C3orf20: variants seen among roughly 807,000 people sequenced by gnomAD.
C3orf20 encodes the protein uncharacterized protein C3orf20.
A neutral mutation model predicts 88.3 loss-of-function variants in C3orf20; 76 were observed. That is an observed-to-expected ratio of 0.86 (90% CI 0.72 to 1.04). The LOEUF (loss-of-function observed/expected upper bound fraction) is 1.04, where lower values mean the gene tolerates loss of function less well. Ranked by LOEUF, C3orf20 falls within the 50% of genes least tolerant of loss-of-function variation. C3orf20 has a pLI of 0.00. For synonymous variants in C3orf20, 436 were observed against 437.4 expected, an observed-to-expected ratio of 1.00 and a Z score of 0.04; for missense variants, 1,056 against 1,123.3, an observed-to-expected ratio of 0.94 and a Z score of 0.86.
chr3:14,706,987 T>G (rs147992070), intron 7 of C3orf20, among the ~76,000 whole-genome samples: 5 of 151,974 alleles, frequency 3.3e-5, no homozygotes, highest in African/African-American at 1.2e-4. Context: ...TGGTGGCTCG[T>G]GCCTGTAATC....
rs1257490932 is a variant in C3orf20, at chr3:14,772,112, GA to G, written c.2544del (p.Ala849ProfsTer46). 6 of 1,614,228 alleles carry G rather than the reference GA, an allele frequency of 3.7e-6. No individual in the cohort carries two copies. The highest frequency in any genetic ancestry group is 5.1e-6 in the Non-Finnish European group (6 of 1,180,036). ...GCCTGGAGGATTCTGAATCAGTCAA[GA>G]AAGCCGAGTCAGAAGATATCCAAGG... Reference protein sequence around the residue: ...LSLEDSESVKKAESEDIQGSS... With the variant: ...LSLEDSESVKXAESEDIQGSS... On this transcript the variant is annotated frameshift_variant, in exon 16 of 17. Coordinates refer to ENST00000253697, the MANE Select transcript of C3orf20 (RefSeq NM_032137.5). LOFTEE classifies it high-confidence loss of function. The surrounding 1 kb of genome is among the most constrained non-coding windows in gnomAD (Gnocchi z 4.2).
At chr3:14,736,633 C>G (rs2034720171) in intron 12 of C3orf20, among the ~76,000 whole-genome samples, 1 of 145,354 alleles carries the variant, frequency 6.9e-6, no homozygotes, top group African/African-American at 2.6e-5. Context: ...GTGGCATGGT[C>G]TCAGCTCACT....
intron 12 of C3orf20, among the ~76,000 whole-genome samples, chr3:14,755,596 G>A (rs187578858): frequency 1.2e-4 from 19 of 152,146 alleles, no homozygotes; most frequent in Non-Finnish European, 2.4e-4. Flanking sequence ...TAGCCCCTGA[G>A]AAATAATGCT....
chr3:14,703,260 CAT>C lies in C3orf20; in HGVS notation c.877_878del (p.Ile293ArgfsTer3). 6.2e-7 allele frequency: 1 copy of C among 1,614,064 alleles called. No homozygotes were observed. The highest frequency in any genetic ancestry group is 8.5e-7 in the Non-Finnish European group (1 of 1,180,018). ...REKLQELCRH[I>X]EAERATWKGR... ...AGAAGCTGCAGGAGTTGTGTCGCCACATGTGAGCACCTCAGTGCTTGGGTCGG... is the reference window on the plus strand; with the variant it reads ...AGAAGCTGCAGGAGTTGTGTCGCCACGTGAGCACCTCAGTGCTTGGGTCGG... On this transcript the variant is annotated frameshift_variant and splice_region_variant, in exon 6 of 17. Transcript: ENST00000253697. LOFTEE classifies it high-confidence loss of function.
chr3:14,690,745 A>G (rs1658013225), intron 5 of C3orf20, among the ~76,000 whole-genome samples: 1 of 152,254 alleles, frequency 6.6e-6, no homozygotes, highest in South Asian at 2.1e-4. Flanking sequence ...AAGGTCTGGC[A>G]GAACTCCCAG....
intron 5 of C3orf20, among the ~76,000 whole-genome samples, chr3:14,692,159 T>C (rs1188469983): frequency 1.3e-5 from 2 of 152,242 alleles, no homozygotes; most frequent in Admixed American, 1.3e-4. Flanking sequence ...GATTGACACT[T>C]AGATTGCTTC....
chr3:14,710,853 G>A (rs1300410807), intron 7 of C3orf20, among the ~76,000 whole-genome samples: 1 of 150,818 alleles, frequency 6.6e-6, no homozygotes, highest in Non-Finnish European at 1.5e-5. Context: ...AGTTCTAGTT[G>A]GTTTGCAGTG....
chr3:14,761,326 C>G, intron 14 of C3orf20, 147 bp from the exon 15 acceptor site: 2 of 921,730 alleles, frequency 2.2e-6, no homozygotes, highest in Non-Finnish European at 1.7e-6. Context: ...GCACTCCTTC[C>G]CCAGCCACCC....
chr3:14,750,187 A>G (rs1171841149), intron 12 of C3orf20, among the ~76,000 whole-genome samples: 2 of 152,042 alleles, frequency 1.3e-5, no homozygotes, highest in African/African-American at 4.8e-5. Context: ...AAACTCCCTT[A>G]GCTTTTGTTT....
At chr3:14,762,442 G>A (rs1236827898) in intron 15 of C3orf20, among the ~76,000 whole-genome samples, 1 of 152,224 alleles carries the variant, frequency 6.6e-6, no homozygotes, top group African/African-American at 2.4e-5. Context: ...CCTGAAGACT[G>A]CTTTAGGGGA....
chr3:14,682,477 G>A (rs781115258), intron 2 of C3orf20, 101 bp from the exon 3 acceptor site: 5 of 545,040 alleles, frequency 9.2e-6, no homozygotes, highest in Non-Finnish European at 1.6e-5. Flanking sequence ...CACTAACATT[G>A]GTCTCTCTGA....
intron 1 of C3orf20, among the ~76,000 whole-genome samples, chr3:14,681,942 G>A (rs979364761): frequency 3.3e-5 from 5 of 152,096 alleles, no homozygotes; most frequent in African/African-American, 1.2e-4. Flanking sequence ...GTATTAAAGT[G>A]GAAAAATATT....
At chr3:14,712,090 G>A (rs1461266629) in intron 7 of C3orf20, among the ~76,000 whole-genome samples, 1 of 151,846 alleles carries the variant, frequency 6.6e-6, no homozygotes, top group Admixed American at 6.6e-5. Context: ...TTTTTAAGAT[G>A]CAGTCATATT....
At position 14,757,540 on chromosome 3, in the gene C3orf20, C is replaced by G. The variant is rs1474253548; in HGVS notation, c.2110C>G (p.Pro704Ala). ...GGAGCTGGAGCGCTTCCTGTTGGCG[C>G]CCCGAGACCCCAGCCAAGTGCTGGT... ...DVELERFLLAPRDPSQVLVFG... is the reference protein window; with the variant it reads ...DVELERFLLAARDPSQVLVFG... Residue 704 changes from proline to alanine, a missense_variant, in exon 13 of 17, where the codon CCC becomes GCC. Pro to Ala is a conservative substitution (Grantham distance 27, BLOSUM62 -1). Transcript: ENST00000253697. 2 of 1,614,006 alleles carry G rather than the reference C, an allele frequency of 1.2e-6. No homozygotes were observed. Among genetic ancestry groups the G allele is most frequent in the Admixed American group, 3.3e-5 (2 of 60,012 alleles).
chr3:14,732,942 C>CTTT (rs1306879153), intron 12 of C3orf20, among the ~76,000 whole-genome samples: 1 of 151,922 alleles, frequency 6.6e-6, no homozygotes, highest in Non-Finnish European at 1.5e-5. Context: ...TCCAACAGTA[C>CTTT]TTTTTTTTAA....
At chr3:14,771,604 C>G (rs2035859563) in intron 15 of C3orf20, among the ~76,000 whole-genome samples, 1 of 152,238 alleles carries the variant, frequency 6.6e-6, no homozygotes, top group Admixed American at 6.5e-5. Flanking sequence ...CCACCCTCCT[C>G]CAGTATGGCC....
intron 15 of C3orf20, among the ~76,000 whole-genome samples, chr3:14,771,722 GC>G (rs1449385974): frequency 6.6e-6 from 1 of 152,126 alleles, no homozygotes; most frequent in African/African-American, 2.4e-5. Context: ...CATGTGTTCA[GC>G]CCACAATACC....
chr3:14,707,122 G>A (rs907218604), intron 7 of C3orf20, among the ~76,000 whole-genome samples: 6 of 151,608 alleles, frequency 4.0e-5, no homozygotes, highest in Non-Finnish European at 7.4e-5. Context: ...GGTGGCGGGC[G>A]CCTGTAGTCC....
At chr3:14,757,822 T>A in intron 13 of C3orf20, 148 bp downstream of exon 13, 4 of 698,622 alleles carry the variant, frequency 5.7e-6, no homozygotes, top group Non-Finnish European at 9.4e-6. Flanking sequence ...AGTCTTTGTG[T>A]GTACTCTCCT....
Sources: gnomAD v4.1 joint callset for allele counts (sites outside exome capture counted in the v4.1 genomes callset) on GRCh38, gnomAD v4.1.1 for gene constraint, Gnocchi (gnomAD v3.1) non-coding constraint, MANE v1.5 for transcripts, NCBI Gene and HGNC (gene_info 2026-07-23, HGNC 2026-07-21) for gene names.